The following TTLL11 variants were observed in gnomAD, a reference collection of about 807,000 sequenced individuals.
TTLL11 encodes tubulin polyglutamylase TTLL11.
Under a neutral mutation model 51.7 loss-of-function variants are expected in TTLL11, and 42 were observed. The ratio of observed to expected loss-of-function variants is 0.81; its 90% CI spans 0.64 to 1.05. The LOEUF (loss-of-function observed/expected upper bound fraction) is 1.05. TTLL11 is among the 50% of genes least tolerant of loss of function. The probability of loss-of-function intolerance (pLI) is 0.00; values close to 1 mark genes in which losing one functional copy is unlikely to be tolerated. For synonymous variants in TTLL11, 381 were observed against 383.5 expected (o/e 0.99, Z 0.08); for missense variants, 799 against 940.4 (o/e 0.85, Z 1.97).
intron 6 of TTLL11, among the ~76,000 whole-genome samples, chr9:121,945,145 G>C (rs1451870088): frequency 2.0e-5 from 3 of 152,182 alleles, no homozygotes; most frequent in African/African-American, 7.2e-5. Context: ...CCACAGAGAG[G>C]AGTCGGGTGC....
intron 6 of TTLL11, among the ~76,000 whole-genome samples, chr9:121,952,745 G>A (rs1375590900): frequency 6.6e-6 from 1 of 152,078 alleles, no homozygotes; most frequent in Non-Finnish European, 1.5e-5. Context: ...CATTCCTGCT[G>A]CCCTCCAGAG....
chr9:122,069,907 G>A (rs1004201625), intron 1 of TTLL11, among the ~76,000 whole-genome samples: 5 of 151,766 alleles, frequency 3.3e-5, no homozygotes, highest in African/African-American at 9.7e-5. Flanking sequence ...TCATGGCACC[G>A]CTGGCCCCAC....
intron 3 of TTLL11, among the ~76,000 whole-genome samples, chr9:122,006,535 T>C (rs897087598): frequency 6.6e-6 from 1 of 152,200 alleles, no homozygotes; most frequent in African/African-American, 2.4e-5. Context: ...GAAGAAATAT[T>C]AGAGAGACTA....
intron 1 of TTLL11, among the ~76,000 whole-genome samples, chr9:122,074,735 T>C (rs1378106838): frequency 2.0e-5 from 2 of 97,976 alleles, no homozygotes; most frequent in Admixed American, 1.0e-4. Flanking sequence ...CTTTCGTCTC[T>C]ACAAAAAAAA....
chr9:121,939,830 C>T (rs1042731955), intron 6 of TTLL11, among the ~76,000 whole-genome samples: 1 of 152,136 alleles, frequency 6.6e-6, no homozygotes, highest in East Asian at 1.9e-4. Flanking sequence ...GGCACCTCCG[C>T]GATGCAGTGA....
At chr9:121,977,671 A>T (rs1842741368) in intron 4 of TTLL11, among the ~76,000 whole-genome samples, 1 of 103,410 alleles carries the variant, frequency 9.7e-6, no homozygotes, top group Admixed American at 1.3e-4. Context: ...TTTTAATTTA[A>T]TTTAATTTTT....
At chr9:122,026,437 CAAAAAAAAA>C (rs59569615) in intron 3 of TTLL11, among the ~76,000 whole-genome samples, 2 of 74,684 alleles carry the variant, frequency 2.7e-5, no homozygotes, top group East Asian at 4.2e-4. Context: ...GACTCCATTT[CAAAAAAAAA>C]AAAAAAAAGA....
At chr9:121,973,083 C>T (rs1467630698) in intron 6 of TTLL11, among the ~76,000 whole-genome samples, 1 of 152,338 alleles carries the variant, frequency 6.6e-6, no homozygotes, top group Admixed American at 6.5e-5. Context: ...GTACTCAACA[C>T]CTACTTTGTG....
At chr9:121,893,368 G>GTA (rs1839333688) in intron 6 of TTLL11, among the ~76,000 whole-genome samples, 2 of 152,128 alleles carry the variant, frequency 1.3e-5, no homozygotes, top group Middle Eastern at 6.8e-3. Context: ...GTGTGTGTGT[G>GTA]TGAGGGGGGC....
At chr9:122,004,563 G>C (rs1228496723) in intron 3 of TTLL11, among the ~76,000 whole-genome samples, 1 of 152,114 alleles carries the variant, frequency 6.6e-6, no homozygotes, top group Non-Finnish European at 1.5e-5. Context: ...ATGTTGGTCA[G>C]GCTGGTCTCA....
intron 1 of TTLL11, among the ~76,000 whole-genome samples, chr9:122,069,779 C>T (rs1411364989): frequency 2.0e-5 from 3 of 152,062 alleles, no homozygotes; most frequent in Non-Finnish European, 4.4e-5. Context: ...GTGAAGACCC[C>T]TGCTGGACAG....
intron 3 of TTLL11, among the ~76,000 whole-genome samples, chr9:121,990,036 G>A (rs1441879350): frequency 3.3e-5 from 5 of 152,206 alleles, no homozygotes; most frequent in Non-Finnish European, 5.9e-5. Flanking sequence ...ATCCTGTTTC[G>A]CCAGTTATTA....
chr9:122,081,522 C>G (rs1334614107), intron 1 of TTLL11, among the ~76,000 whole-genome samples: 1 of 152,186 alleles, frequency 6.6e-6, no homozygotes, highest in Non-Finnish European at 1.5e-5. Context: ...ACTTACTGCA[C>G]AAAGCCAAAG....
intron 8 of TTLL11, among the ~76,000 whole-genome samples, chr9:121,847,038 A>G (rs930335834): frequency 6.6e-5 from 10 of 152,194 alleles, no homozygotes; most frequent in South Asian, 4.1e-4. Context: ...GTGAAACCCC[A>G]TCTCTACTAA....
chr9:121,996,479 G>C (rs538478471), intron 3 of TTLL11, among the ~76,000 whole-genome samples: 181 of 151,990 alleles, frequency 1.2e-3, no homozygotes, highest in African/African-American at 4.0e-3. Flanking sequence ...ACACACACAT[G>C]CACACACATG....
intron 1 of TTLL11, among the ~76,000 whole-genome samples, chr9:122,076,885 T>C (rs1452368621): frequency 1.3e-5 from 2 of 152,066 alleles, no homozygotes; most frequent in East Asian, 3.9e-4. Context: ...AGAAATGTCT[T>C]ACTGACAGCG....
chr9:122,041,119 C>A (rs756849998), intron 1 of TTLL11, among the ~76,000 whole-genome samples: 1 of 152,142 alleles, frequency 6.6e-6, no homozygotes, highest in East Asian at 1.9e-4. Context: ...AATTGCCCCC[C>A]CTTTTAGAGG....
chr9:122,025,825 C>G lies in TTLL11; in HGVS notation c.693+5898G>C, dbSNP rs183705713. Among the ~76,000 whole-genome samples the G allele has an allele frequency of 1.3e-5, 2 of 152,254 alleles. 1 individual carries two copies. The highest frequency in any genetic ancestry group is 6.8e-3 in the Middle Eastern group (2 of 294). On this transcript the variant is annotated intron_variant, in intron 3 of 8. Coordinates refer to ENST00000321582, the MANE Select transcript of TTLL11 (RefSeq NM_001139442.2). ...CCCAGGAAGAATGAAAACATGTCCA[C>G]GCAAAGACTTACCACAGGTGTTCAT...
At chr9:122,069,501 G>C (rs572287725) in intron 1 of TTLL11, among the ~76,000 whole-genome samples, 1 of 152,264 alleles carries the variant, frequency 6.6e-6, no homozygotes, top group Non-Finnish European at 1.5e-5. Flanking sequence ...TGGCCAACAT[G>C]GCAAAACCTC....
Sources: allele counts gnomAD v4.1 joint callset (sites outside exome capture counted in the v4.1 genomes callset), GRCh38; gene constraint gnomAD v4.1.1; transcripts MANE v1.5; gene names NCBI Gene and HGNC (gene_info 2026-07-23, HGNC 2026-07-21).